The following TGFBR3 variants were observed in gnomAD, a reference collection of about 807,000 sequenced individuals.
TGFBR3 encodes transforming growth factor beta receptor 3.
A neutral mutation model predicts 87.9 loss-of-function variants in TGFBR3; 46 were observed. The ratio of observed to expected loss-of-function variants is 0.52; its 90% CI spans 0.41 to 0.67. The LOEUF is 0.67. TGFBR3 is among the 30% of genes least tolerant of loss of function. The probability of loss-of-function intolerance (pLI) is 0.00; values close to 1 mark genes in which losing one functional copy is unlikely to be tolerated. For synonymous variants in TGFBR3, 381 were observed against 391.6 expected, an observed-to-expected ratio of 0.97 and a Z score of 0.32; for missense variants, 866 against 1,041.9, an observed-to-expected ratio of 0.83 and a Z score of 2.32.
chr1:91,885,873 C>G lies in TGFBR3; in HGVS notation c.-114+5G>C, dbSNP rs1342683838. ...GCAGCGCCGCGGGGCTGGGCCGGCACGTACCTCGGAGGCGGTGTGTCCAGC... is the reference window on the plus strand; with the variant it reads ...GCAGCGCCGCGGGGCTGGGCCGGCAGGTACCTCGGAGGCGGTGTGTCCAGC... On this transcript the variant is annotated splice_donor_5th_base_variant and intron_variant, in intron 1 of 16. Transcript: ENST00000212355. 1.3e-5 allele frequency: 5 copies of G among 371,998 alleles called. No individual in the cohort carries two copies. Among genetic ancestry groups the G allele is most frequent in the African/African-American group, 1.1e-4 (5 of 46,030 alleles). The allele number at this position is 371,998 out of a possible 1,614,324, so 23.0% of individuals were successfully genotyped here. A position where few individuals can be genotyped will look rare whatever the true frequency, so the allele number is the denominator to read the frequency against.
intron 9 of TGFBR3, among the ~76,000 whole-genome samples, 189 bp downstream of exon 9, chr1:91,719,702 CCT>C (rs11466598): frequency 0.061 from 9,279 of 152,122 alleles, 370 homozygotes; most frequent in East Asian, 0.22. Flanking sequence ...ACCCCCACCC[CCT>C]GTCACTGAGA....
At chr1:91,815,301 A>AAAAATAAAATAAAATAAAATAAAAT (rs71586714) in intron 2 of TGFBR3, among the ~76,000 whole-genome samples, 18 of 141,170 alleles carry the variant, frequency 1.3e-4, no homozygotes, top group African/African-American at 4.7e-4. Context: ...GACTCCATCT[A>AAAAATAAAATAAAATAAAATAAAAT]AAAATAAAAT....
In TGFBR3 at chr1:91,758,635, G is replaced by C. The variant is rs779209674; in HGVS notation, c.362C>G (p.Thr121Ser). The C allele has an allele frequency of 1.9e-6, 3 of 1,614,042 alleles. No homozygotes were observed. Among genetic ancestry groups the C allele is most frequent in the Non-Finnish European group, 2.5e-6 (3 of 1,179,932 alleles). The change falls in exon 4 of 17, where the codon ACT becomes AGT. Residue 121 changes from threonine (T) to serine (S), a missense_variant. Physicochemically the swap from Thr to Ser is moderately conservative, Grantham distance 58. Coordinates refer to ENST00000212355, the MANE Select transcript of TGFBR3 (RefSeq NM_003243.5). Reference sequence around the variant, plus strand: ...TACCAAAAACAGTCTGGAGACCCCAGTGGCAAGTCTCTCTGTCTTCAGATG... The same window carrying C: ...TACCAAAAACAGTCTGGAGACCCCACTGGCAAGTCTCTCTGTCTTCAGATG... ...VWHLKTERLATGVSRLFLVSE... is the reference protein window; with the variant it reads ...VWHLKTERLASGVSRLFLVSE...
intron 2 of TGFBR3, among the ~76,000 whole-genome samples, chr1:91,814,071 G>A (rs1676119021): frequency 1.3e-5 from 2 of 152,186 alleles, no homozygotes; most frequent in African/African-American, 4.8e-5. Flanking sequence ...TGGGGGTGGG[G>A]ACCCCTGCTC....
upstream of TGFBR3, among the ~76,000 whole-genome samples, chr1:91,889,264 CA>C (rs1383669841): frequency 6.6e-6 from 1 of 152,172 alleles, no homozygotes; most frequent in Non-Finnish European, 1.5e-5. Context: ...GGCCGATATA[CA>C]TGCCTTTATA....
At chr1:91,683,911 G>T in intron 16 of TGFBR3, 54 bp from the exon 17 acceptor site, 1 of 1,458,238 alleles carries the variant, frequency 6.9e-7, no homozygotes, top group Middle Eastern at 1.7e-4. Flanking sequence ...TTATGTATGT[G>T]CATTCCTGAA....
At chr1:91,781,645 A>G (rs1178186566) in intron 3 of TGFBR3, among the ~76,000 whole-genome samples, 1 of 152,204 alleles carries the variant, frequency 6.6e-6, no homozygotes, top group Non-Finnish European at 1.5e-5. Context: ...AGTGTTTAGG[A>G]AATGTATTTA....
chr1:91,695,110 CT>C (rs3038541), intron 16 of TGFBR3, among the ~76,000 whole-genome samples: 24,753 of 139,948 alleles, frequency 0.18, 2,126 homozygotes, highest in Non-Finnish European at 0.2. Flanking sequence ...TGTTTCATCA[CT>C]TTTTTTTTTT....
In TGFBR3 at chr1:91,849,628, C is replaced by A. The variant is rs11466558; in HGVS notation, c.61+11843G>T. ...TATATGCATTTTGTTTGTTTCTGGTCTCTCTCCACTAGAGACATGCTTCAT... is the reference window on the plus strand; with the variant it reads ...TATATGCATTTTGTTTGTTTCTGGTATCTCTCCACTAGAGACATGCTTCAT... On this transcript the variant is annotated intron_variant, in intron 2 of 16. Coordinates refer to ENST00000212355, the MANE Select transcript of TGFBR3 (RefSeq NM_003243.5). 1.5e-3 allele frequency among the ~76,000 whole-genome samples: 221 copies of A among 152,274 alleles called. 1 individual carries two copies. Among genetic ancestry groups the A allele is most frequent in the African/African-American group, 5.0e-3 (208 of 41,542 alleles).
upstream of TGFBR3, among the ~76,000 whole-genome samples, chr1:91,887,236 C>CTTTTTTTTTTTTTTTTTTTTTTTT (rs71087977): frequency 1.2e-4 from 5 of 41,414 alleles, 2 homozygotes; most frequent in Non-Finnish European, 2.0e-4. Context: ...GGACCTATGC[C>CTTTTTTTTTTTTTTTTTTTTTTTT]TTTTTTTTTT....
chr1:91,734,666 G>A, intron 5 of TGFBR3, 110 bp downstream of exon 5: 1 of 1,383,022 alleles, frequency 7.2e-7, no homozygotes, highest in South Asian at 1.2e-5. Context: ...GTCCCTTCCA[G>A]GTCCAACATT....
chr1:91,797,405 A>G lies in TGFBR3; in HGVS notation c.128T>C (p.Met43Thr). 6.2e-7 allele frequency: 1 copy of G among 1,614,248 alleles called. No homozygotes were observed. The highest frequency in any genetic ancestry group is 8.5e-7 in the Non-Finnish European group (1 of 1,180,038). The change falls in exon 3 of 17, where the codon ATG (methionine) becomes ACG (threonine). Residue 43 changes from methionine to threonine, a missense_variant. Coordinates refer to ENST00000212355, the MANE Select transcript of TGFBR3 (RefSeq NM_003243.5). ...GCCTGACAAAACAGTGAAGCTCTCC[A>G]TCAAGGCCTGGACAGGATGGGAGGC... ...VSASHPVQAL[M>T]ESFTVLSGCA...
At chr1:91,843,011 G>A (rs543494470) in intron 2 of TGFBR3, among the ~76,000 whole-genome samples, 8 of 152,174 alleles carry the variant, frequency 5.3e-5, no homozygotes, top group South Asian at 2.1e-4. Context: ...TAAAACTTAC[G>A]GAAAATAAAG....
chr1:91,731,201 G>GA (rs1444835597), intron 5 of TGFBR3, among the ~76,000 whole-genome samples: 2 of 152,188 alleles, frequency 1.3e-5, no homozygotes, highest in Non-Finnish European at 2.9e-5. Flanking sequence ...AGTCCACATG[G>GA]AAGTCTCACT....
intron 2 of TGFBR3, among the ~76,000 whole-genome samples, chr1:91,807,447 T>A (rs1296567727): frequency 6.6e-6 from 1 of 152,230 alleles, no homozygotes; most frequent in Non-Finnish European, 1.5e-5. Flanking sequence ...ACCAACTTTT[T>A]GGGCCAAAAG....
At position 91,680,911 on chromosome 1, in the gene TGFBR3, A is replaced by G. The variant is rs1440418989; in HGVS notation, c.*2828T>C. ...CTATAGAAACAGTTTAGACAGAAGA[A>G]ATCTCTGGCTTTTTAAAATACAGAG... On this transcript the variant is annotated 3_prime_UTR_variant, in exon 17 of 17. Transcript: ENST00000212355. The G allele has an allele frequency of 2.2e-6, 1 of 453,932 alleles. No individual in the cohort carries two copies. Among genetic ancestry groups the G allele is most frequent in the Non-Finnish European group, 4.4e-6 (1 of 226,756 alleles). The allele number at this position is 453,932 out of a possible 1,614,324, so 28.1% of individuals were successfully genotyped here.
intron 3 of TGFBR3, among the ~76,000 whole-genome samples, chr1:91,766,809 T>A (rs920112397): frequency 1.5e-5 from 2 of 133,242 alleles, no homozygotes; most frequent in African/African-American, 5.6e-5. Context: ...CATGAGCAGA[T>A]CCTGAATTCC....
chr1:91,755,684 A>C (rs1673716560), intron 4 of TGFBR3, among the ~76,000 whole-genome samples: 1 of 152,224 alleles, frequency 6.6e-6, no homozygotes, highest in African/African-American at 2.4e-5. Flanking sequence ...ACCAAGAAGC[A>C]GTTTTTACAG....
chr1:91,787,040 C>T (rs928637709), intron 3 of TGFBR3, among the ~76,000 whole-genome samples: 5 of 152,124 alleles, frequency 3.3e-5, no homozygotes, highest in East Asian at 1.9e-4. Context: ...CAGTGGCTCA[C>T]GCCTATAATC....
Sources: allele counts gnomAD v4.1 joint callset (sites outside exome capture counted in the v4.1 genomes callset), GRCh38; gene constraint gnomAD v4.1.1; transcripts MANE v1.5; gene names NCBI Gene and HGNC (gene_info 2026-07-23, HGNC 2026-07-21).